The following BICC1 variants were observed in gnomAD, a reference collection of about 807,000 sequenced individuals.
BICC1 encodes the protein BicC family RNA binding protein 1.
BICC1 carries 43 observed loss-of-function variants against 111.0 expected under a neutral mutation model. That is an observed-to-expected ratio of 0.39 (90% CI 0.30 to 0.50). BICC1 has a LOEUF of 0.50. Among genes scored for constraint, BICC1 ranks in the 20% least tolerant of loss-of-function variants. The pLI is 0.88. For missense variants in BICC1, 1,091 were observed against 1,203.2 expected, an observed-to-expected ratio of 0.91 and a Z score of 1.38; for synonymous variants, 467 against 434.4, an observed-to-expected ratio of 1.07 and a Z score of -0.93.
chr10:58,616,728 T>G (rs150346421), intron 1 of BICC1, among the ~76,000 whole-genome samples: 70 of 152,362 alleles, frequency 4.6e-4, no homozygotes, highest in African/African-American at 1.4e-3. Flanking sequence ...AGTACCACTT[T>G]GTGGTGGACT....
At chr10:58,759,435 C>A (rs566004555) in intron 3 of BICC1, among the ~76,000 whole-genome samples, 57 of 152,154 alleles carry the variant, frequency 3.7e-4, no homozygotes, top group Middle Eastern at 3.4e-3. Flanking sequence ...CTTGTGCTGG[C>A]ATATGAAATG....
At chr10:58,535,071 G>C (rs369752195) in intron 1 of BICC1, among the ~76,000 whole-genome samples, 1 of 151,514 alleles carries the variant, frequency 6.6e-6, no homozygotes, top group African/African-American at 2.4e-5. Flanking sequence ...AAGAAACAAA[G>C]TCTCCAAGAA....
intron 2 of BICC1, among the ~76,000 whole-genome samples, chr10:58,666,771 T>TTGCATGACCCCTCCCACCA (rs1839025960): frequency 6.6e-6 from 1 of 152,066 alleles, no homozygotes; most frequent in African/African-American, 2.4e-5. Context: ...ACCTCCTACC[T>TTGCATGACCCCTCCCACCA]TGCATGACCC....
chr10:58,689,262 G>A (rs905514397), intron 2 of BICC1, among the ~76,000 whole-genome samples: 2 of 152,126 alleles, frequency 1.3e-5, no homozygotes, highest in Non-Finnish European at 2.9e-5. Context: ...GAGAAAGAGA[G>A]AACTTAGTAA....
Position 58,817,591 on chromosome 10 carries a change from A to C in BICC1, c.2563A>C (p.Met855Leu). Residue 855 changes from methionine to leucine, a missense_variant, in exon 19 of 21, where the codon ATG becomes CTG. Transcript: ENST00000373886. ...TEHYLSSSNY[M>L]DCISSLTGSN... ...ACACTATCTCAGCAGTAGCAATTAC[A>C]TGGACTGCATTTCCTCGCTGACAGG... is the stretch of plus-strand genomic sequence containing the variant. 2 of 1,613,566 alleles carry C rather than the reference A, an allele frequency of 1.2e-6. No homozygotes were observed. Among genetic ancestry groups the C allele is most frequent in the Non-Finnish European group, 1.7e-6 (2 of 1,179,614 alleles).
At chr10:58,593,570 C>T (rs926888607) in intron 1 of BICC1, among the ~76,000 whole-genome samples, 21 of 152,256 alleles carry the variant, frequency 1.4e-4, no homozygotes, top group South Asian at 8.3e-4. Context: ...TGCTGTTCTG[C>T]AGCCTCCCCT....
intron 3 of BICC1, among the ~76,000 whole-genome samples, chr10:58,714,358 A>C (rs879282878): frequency 2.6e-5 from 4 of 152,264 alleles, no homozygotes; most frequent in Non-Finnish European, 4.4e-5. Context: ...GAACTGACAG[A>C]ATTTTGGTAA....
intron 1 of BICC1, among the ~76,000 whole-genome samples, chr10:58,583,370 C>T (rs1041696715): frequency 2.0e-5 from 3 of 152,088 alleles, no homozygotes; most frequent in Admixed American, 1.3e-4. Context: ...ATCCCCCTCC[C>T]ACCCTTCCCC....
rs1454617850 is a variant in BICC1 at position 58,682,256 on chromosome 10, C to G, written c.238-19818C>G. On this transcript the variant is annotated intron_variant, in intron 2 of 20. Transcript: ENST00000373886. ...TGTATATGTGCCACATTTTCTTAATCCAGTCTATCATTGATGAACATTTGG... is the reference window on the plus strand; with the variant it reads ...TGTATATGTGCCACATTTTCTTAATGCAGTCTATCATTGATGAACATTTGG... Among the ~76,000 whole-genome samples, 9 of 152,080 alleles carry G rather than the reference C, an allele frequency of 5.9e-5. No homozygotes were observed. The South Asian group carries it at 1.9e-3, about 32-fold the overall frequency.
chr10:58,731,300 A>G (rs1841286648), intron 3 of BICC1, among the ~76,000 whole-genome samples: 1 of 152,134 alleles, frequency 6.6e-6, no homozygotes, highest in African/African-American at 2.4e-5. Flanking sequence ...TTCACTGTCT[A>G]TGTCACTACC....
Position 58,715,639 on chromosome 10 carries a change from C to G in BICC1, c.307+13496C>G, listed in dbSNP as rs1840717024. ...GGTCCAATCCAGTCTTCAGGGCCAACAATACAGGATTATCTGAATTGACCA... is the reference window on the plus strand; with the variant it reads ...GGTCCAATCCAGTCTTCAGGGCCAAGAATACAGGATTATCTGAATTGACCA... On this transcript the variant is annotated intron_variant, in intron 3 of 20. Transcript: ENST00000373886. The G allele has an allele frequency of 2.5e-6, 4 of 1,605,466 alleles. No individual in the cohort carries two copies. In the African/African-American group the frequency reaches 4.0e-5, roughly 16 times the overall value.
chr10:58,730,883 C>T (rs1222025430), intron 3 of BICC1, among the ~76,000 whole-genome samples: 1 of 152,094 alleles, frequency 6.6e-6, no homozygotes, highest in Non-Finnish European at 1.5e-5. Flanking sequence ...TTCAGCCCCC[C>T]TAGGCCTCCC....
At chr10:58,580,579 A>T (rs1469350355) in intron 1 of BICC1, among the ~76,000 whole-genome samples, 1 of 152,144 alleles carries the variant, frequency 6.6e-6, no homozygotes, top group Non-Finnish European at 1.5e-5. Context: ...GGGATATTCA[A>T]CCTGTATATA....
At chr10:58,783,452 G>A (rs773241861) in intron 3 of BICC1, among the ~76,000 whole-genome samples, 5 of 151,890 alleles carry the variant, frequency 3.3e-5, no homozygotes, top group Non-Finnish European at 5.9e-5. Flanking sequence ...GCTCTCTGTG[G>A]CGTTTTCACC....
chr10:58,576,700 A>T (rs1844122757), intron 1 of BICC1, among the ~76,000 whole-genome samples: 2 of 152,208 alleles, frequency 1.3e-5, no homozygotes, highest in Admixed American at 6.5e-5. Flanking sequence ...TACAAAATAT[A>T]CTGTTTAAAA....
intron 1 of BICC1, among the ~76,000 whole-genome samples, chr10:58,609,944 A>C (rs1845362226): frequency 6.6e-6 from 1 of 152,212 alleles, no homozygotes. Context: ...TGCTTCAGGG[A>C]TTGCTTATAT....
intron 1 of BICC1, among the ~76,000 whole-genome samples, chr10:58,601,782 G>A (rs753702496): frequency 6.6e-6 from 1 of 151,972 alleles, no homozygotes; most frequent in African/African-American, 2.4e-5. Context: ...TTCAACTGAG[G>A]TAAAATCTTT....
chr10:58,602,763 T>C (rs1845081840), intron 1 of BICC1, among the ~76,000 whole-genome samples: 1 of 152,196 alleles, frequency 6.6e-6, no homozygotes, highest in African/African-American at 2.4e-5. Flanking sequence ...TGAGAATACT[T>C]TGATTTGTAG....
chr10:58,722,615 A>T (rs1234886184), intron 3 of BICC1, among the ~76,000 whole-genome samples: 1 of 152,218 alleles, frequency 6.6e-6, no homozygotes, highest in Non-Finnish European at 1.5e-5. Flanking sequence ...AAATTAGGCC[A>T]TGATCACGTT....
Sources: gnomAD v4.1 joint callset for allele counts (sites outside exome capture counted in the v4.1 genomes callset) on GRCh38, gnomAD v4.1.1 for gene constraint, MANE v1.5 for transcripts, NCBI Gene and HGNC (gene_info 2026-07-23, HGNC 2026-07-21) for gene names.